SHISA9: variants seen among roughly 807,000 people sequenced by gnomAD.
SHISA9 encodes the protein shisa family member 9.
A neutral mutation model predicts 38.0 loss-of-function variants in SHISA9; 13 were observed. The ratio of observed to expected loss-of-function variants is 0.34; its 90% CI spans 0.22 to 0.54. The LOEUF (loss-of-function observed/expected upper bound fraction) is 0.54. Ranked by LOEUF, SHISA9 falls within the 20% of genes least tolerant of loss-of-function variation. SHISA9 has a pLI of 0.91. For missense variants in SHISA9, 538 were observed against 575.8 expected, an observed-to-expected ratio of 0.93 and a Z score of 0.67; for synonymous variants, 275 against 242.0, an observed-to-expected ratio of 1.14 and a Z score of -1.27.
At chr16:13,287,979 A>G in the SHISA9 span, among the ~76,000 whole-genome samples, 1 of 152,104 alleles carries the variant, frequency 6.6e-6, no homozygotes, top group Non-Finnish European at 1.5e-5. Flanking sequence ...GTGTGGATGG[A>G]CGAGGAGCTT....
chr16:13,313,247 T>A, the SHISA9 span, among the ~76,000 whole-genome samples: 1 of 70,270 alleles, frequency 1.4e-5, no homozygotes, highest in Non-Finnish European at 2.9e-5. Flanking sequence ...AGAGCGAGAC[T>A]CCGTCTCAAA....
At chr16:13,343,758 A>C in the SHISA9 span, among the ~76,000 whole-genome samples, 4 of 152,204 alleles carry the variant, frequency 2.6e-5, no homozygotes, top group African/African-American at 4.8e-5. Context: ...TCCTGACAGA[A>C]AGGCTGACTA....
chr16:12,994,372 A>C (rs1450106471), intron 2 of SHISA9, among the ~76,000 whole-genome samples: 1 of 152,184 alleles, frequency 6.6e-6, no homozygotes, highest in Non-Finnish European at 1.5e-5. Context: ...TTTGAAAGAC[A>C]CTTCCTTACT....
chr16:12,943,594 A>G (rs1036980335), intron 2 of SHISA9, among the ~76,000 whole-genome samples: 3 of 152,186 alleles, frequency 2.0e-5, no homozygotes, highest in African/African-American at 2.4e-5. Flanking sequence ...AAGTGAATGC[A>G]TCTCTCCTTA....
intron 2 of SHISA9, among the ~76,000 whole-genome samples, chr16:13,134,535 A>C (rs2050331910): frequency 6.6e-6 from 1 of 152,098 alleles, no homozygotes; most frequent in Non-Finnish European, 1.5e-5. Flanking sequence ...ATCTTAAAGA[A>C]GGGATAGGAT....
the SHISA9 span, among the ~76,000 whole-genome samples, chr16:13,466,162 A>C: frequency 2.6e-5 from 4 of 152,206 alleles, no homozygotes; most frequent in Non-Finnish European, 5.9e-5. Context: ...AGAAGGAGAA[A>C]TGCTTCTACT....
the SHISA9 span, among the ~76,000 whole-genome samples, chr16:13,530,316 A>C: frequency 6.6e-6 from 1 of 152,126 alleles, no homozygotes. Flanking sequence ...ATAAATAAAA[A>C]TAAATAAATA....
At chr16:13,549,569 GTAA>G in the SHISA9 span, among the ~76,000 whole-genome samples, 7 of 152,018 alleles carry the variant, frequency 4.6e-5, no homozygotes, top group African/African-American at 1.7e-4. Context: ...AACTCTAATA[GTAA>G]TAATTTTTTG....
At chr16:13,297,657 G>C in the SHISA9 span, among the ~76,000 whole-genome samples, 4 of 152,192 alleles carry the variant, frequency 2.6e-5, no homozygotes, top group Non-Finnish European at 4.4e-5. Context: ...AGAATGGTCT[G>C]GTTGTTGGCG....
intron 1 of SHISA9, chr16:12,909,640 G>A (rs1341382429): frequency 2.8e-5 from 27 of 980,818 alleles, no homozygotes; most frequent in Non-Finnish European, 3.3e-5. Context: ...CAGGGTCCCA[G>A]CTCCAATGTC....
chr16:13,289,430 G>C, the SHISA9 span, among the ~76,000 whole-genome samples: 1 of 151,958 alleles, frequency 6.6e-6, no homozygotes, highest in Non-Finnish European at 1.5e-5. Context: ...TTGTTCTTTG[G>C]GTCAGGGTTC....
At chr16:13,469,326 G>GAAAGA in the SHISA9 span, among the ~76,000 whole-genome samples, 2 of 95,772 alleles carry the variant, frequency 2.1e-5, no homozygotes, top group African/African-American at 7.7e-5. Flanking sequence ...GAGAGAGAAA[G>GAAAGA]AAAGAAAGAA....
the SHISA9 span, among the ~76,000 whole-genome samples, chr16:13,485,905 C>T: frequency 6.6e-6 from 1 of 152,194 alleles, no homozygotes; most frequent in Non-Finnish European, 1.5e-5. Context: ...TCTCTCTTTA[C>T]CTGACTTACT....
In SHISA9 at chr16:13,120,005, T is replaced by C. The variant is rs1596661086; in HGVS notation, c.692-83389T>C. On this transcript the variant is annotated intron_variant, in intron 2 of 4. Coordinates refer to ENST00000558583, the MANE Select transcript of SHISA9 (RefSeq NM_001145204.3). Reference sequence around the variant, plus strand: ...AGAATGGGAACATGACAGGGAGACATAAAGGGAGGAGGACAGTGTGGTCTT... The same window carrying C: ...AGAATGGGAACATGACAGGGAGACACAAAGGGAGGAGGACAGTGTGGTCTT... Among the ~76,000 whole-genome samples, 4 of 151,672 alleles carry C rather than the reference T, an allele frequency of 2.6e-5. No individual in the cohort carries two copies. The South Asian group carries it at 6.3e-4, about 24-fold the overall frequency.
the SHISA9 span, among the ~76,000 whole-genome samples, chr16:13,413,678 A>G: frequency 6.7e-6 from 1 of 148,654 alleles, no homozygotes; most frequent in Non-Finnish European, 1.5e-5. Context: ...AATTGCTAGA[A>G]CCTGGAAGGC....
chr16:13,042,503 G>T (rs1036947961), intron 2 of SHISA9, among the ~76,000 whole-genome samples: 1 of 152,164 alleles, frequency 6.6e-6, no homozygotes, highest in African/African-American at 2.4e-5. Flanking sequence ...TGCCTCAGTT[G>T]TTCTCATCAA....
At chr16:13,158,484 C>A (rs914186355) in intron 2 of SHISA9, among the ~76,000 whole-genome samples, 11 of 152,176 alleles carry the variant, frequency 7.2e-5, no homozygotes, top group African/African-American at 2.7e-4. Context: ...CCTGGGAGGA[C>A]CCTGCTATTG....
the SHISA9 span, among the ~76,000 whole-genome samples, chr16:13,421,073 T>C: frequency 0.73 from 111,560 of 152,054 alleles, 41,163 homozygotes; most frequent in Admixed American, 0.82. Context: ...CCAGGGAGCA[T>C]TTGAAGTGAT....
the SHISA9 span, among the ~76,000 whole-genome samples, chr16:13,298,417 T>G: frequency 6.6e-6 from 1 of 152,232 alleles, no homozygotes; most frequent in Non-Finnish European, 1.5e-5. Flanking sequence ...ACTCACATAA[T>G]TAAGAGATTA....
Sources: gnomAD v4.1 joint callset for allele counts (sites outside exome capture counted in the v4.1 genomes callset) on GRCh38, gnomAD v4.1.1 for gene constraint, MANE v1.5 for transcripts, NCBI Gene and HGNC (gene_info 2026-07-23, HGNC 2026-07-21) for gene names.